CLDN14: variants seen among roughly 807,000 people sequenced by gnomAD.
The protein encoded by CLDN14 is claudin 14.
In CLDN14, 2 loss-of-function variants were observed where a neutral mutation model predicts 2.1. The ratio of observed to expected loss-of-function variants is 0.96; its 90% CI spans 0.39 to 3.01. The LOEUF (loss-of-function observed/expected upper bound fraction) is 3.01, where lower values mean the gene tolerates loss of function less well. Ranked by LOEUF, CLDN14 falls within the 30% of genes most tolerant of loss-of-function variation. The probability of loss-of-function intolerance (pLI) is 0.09; values close to 1 mark genes in which losing one functional copy is unlikely to be tolerated. For missense variants in CLDN14, 298 were observed against 328.0 expected (o/e 0.91, Z 0.71); for synonymous variants, 136 against 154.4 (o/e 0.88, Z 0.88).
At position 36,544,918 on chromosome 21, in the gene CLDN14, G is replaced by A. The variant is rs771642224; in HGVS notation, c.-220+31493C>T. On this transcript the variant is annotated intron_variant, in intron 1 of 2. Coordinates refer to the CLDN14 transcript ENST00000342108. The surrounding 1 kb of genome is among the most constrained non-coding windows in gnomAD (Gnocchi z 4.1). The stretch of plus-strand genomic sequence containing the variant: ...TGTTATTAATCCTGGCTACTGCAGC[G>A]GGTGCCAATTGAAGTTTGCTTGCAG... Among the ~76,000 whole-genome samples, 3 of 152,196 alleles carry A rather than the reference G, an allele frequency of 2.0e-5. No homozygotes were observed. Among genetic ancestry groups the A allele is most frequent in the African/African-American group, 4.8e-5 (2 of 41,442 alleles).
intron 1 of CLDN14, among the ~76,000 whole-genome samples, chr21:36,462,790 A>T (rs1057493084): frequency 2.0e-5 from 3 of 151,988 alleles, no homozygotes; most frequent in Admixed American, 1.3e-4. Context: ...TTAGCCAGGC[A>T]TCCCGTAATC....
chr21:36,559,681 A>C (rs2087621024), intron 1 of CLDN14, among the ~76,000 whole-genome samples: 1 of 152,224 alleles, frequency 6.6e-6, no homozygotes, highest in Non-Finnish European at 1.5e-5. Context: ...ACAATTCTGC[A>C]ATTGTGCATT....
At chr21:36,535,127 A>T (rs538413913) in intron 1 of CLDN14, among the ~76,000 whole-genome samples, 93 of 152,326 alleles carry the variant, frequency 6.1e-4, no homozygotes, top group Admixed American at 3.9e-3. Flanking sequence ...GTGGTGGCTC[A>T]TGCCTGTAAT....
intron 1 of CLDN14, among the ~76,000 whole-genome samples, chr21:36,467,309 C>A (rs1405496789): frequency 6.6e-6 from 1 of 152,182 alleles, no homozygotes; most frequent in African/African-American, 2.4e-5. Context: ...CCAAATTAAT[C>A]ATCATTTCAA....
intron 2 of CLDN14, among the ~76,000 whole-genome samples, chr21:36,509,698 T>G (rs1383191622): frequency 1.3e-5 from 2 of 152,122 alleles, no homozygotes; most frequent in African/African-American, 4.8e-5. Context: ...CGGCTTCAAG[T>G]GATTCTAATG....
chr21:36,482,371 C>T (rs55822624), upstream of CLDN14, among the ~76,000 whole-genome samples: 98 of 137,150 alleles, frequency 7.1e-4, no homozygotes, highest in African/African-American at 2.2e-3. Flanking sequence ...GATAGACTGA[C>T]GGATGGATGG....
At chr21:36,490,949 GACACACACACACACAC>G (rs3030068) in intron 2 of CLDN14, among the ~76,000 whole-genome samples, 4 of 148,854 alleles carry the variant, frequency 2.7e-5, no homozygotes, top group South Asian at 2.1e-4. Context: ...CAAGTGCACA[GACACACACACACACAC>G]ACACACACAC....
upstream of CLDN14, among the ~76,000 whole-genome samples, chr21:36,481,328 T>C (rs1337800727): frequency 2.6e-5 from 4 of 152,240 alleles, no homozygotes; most frequent in Non-Finnish European, 4.4e-5. Flanking sequence ...TCGCCTTTGC[T>C]GAACACCATT....
At chr21:36,509,266 G>C (rs1485758123) in intron 2 of CLDN14, among the ~76,000 whole-genome samples, 1 of 152,206 alleles carries the variant, frequency 6.6e-6, no homozygotes, top group Non-Finnish European at 1.5e-5. Flanking sequence ...CTTGGGAGCA[G>C]CTCAGACCGG....
At chr21:36,464,368 T>C (rs1180959925) in intron 1 of CLDN14, among the ~76,000 whole-genome samples, 1 of 152,244 alleles carries the variant, frequency 6.6e-6, no homozygotes, top group Non-Finnish European at 1.5e-5. Context: ...AACGGACTGA[T>C]ACACCGAGTA....
chr21:36,552,729 G>GAA (rs66807831), intron 1 of CLDN14, among the ~76,000 whole-genome samples: 1,748 of 151,166 alleles, frequency 0.012, 17 homozygotes, highest in Non-Finnish European at 0.017. Flanking sequence ...TCCTGAATTG[G>GAA]AAAAAAAAAC....
chr21:36,489,131 A>AAATATAT, intron 2 of CLDN14, among the ~76,000 whole-genome samples: 887 of 62,708 alleles, frequency 0.014, 12 homozygotes, highest in Non-Finnish European at 0.015. Context: ...AAAAAAAAAA[A>AAATATAT]ATATATATAT....
At chr21:36,554,498 G>A (rs1410067720) in intron 1 of CLDN14, among the ~76,000 whole-genome samples, 2 of 152,172 alleles carry the variant, frequency 1.3e-5, no homozygotes, top group Admixed American at 6.5e-5. Context: ...GTCGGGTCAG[G>A]CCCGCCTTGT....
At chr21:36,507,202 A>C (rs1274941675) in intron 2 of CLDN14, among the ~76,000 whole-genome samples, 2 of 152,176 alleles carry the variant, frequency 1.3e-5, no homozygotes, top group Non-Finnish European at 2.9e-5. Context: ...GCGGCTGCAC[A>C]AAATAGTAGT....
intron 1 of CLDN14, among the ~76,000 whole-genome samples, chr21:36,550,971 G>T: frequency 6.6e-6 from 1 of 152,210 alleles, no homozygotes; most frequent in East Asian, 1.9e-4. Context: ...CAAAATGACT[G>T]TTGTCCTTAG....
intron 1 of CLDN14, among the ~76,000 whole-genome samples, chr21:36,478,977 C>A (rs2086811242): frequency 6.6e-6 from 1 of 152,118 alleles, no homozygotes; most frequent in Non-Finnish European, 1.5e-5. Context: ...TCACTTCCCC[C>A]CCTCTCCTGC....
At chr21:36,512,789 C>A (rs997711035) in intron 1 of CLDN14, among the ~76,000 whole-genome samples, 1 of 152,134 alleles carries the variant, frequency 6.6e-6, no homozygotes, top group Admixed American at 6.5e-5. Context: ...GCCAGAGGTT[C>A]CTCCTGGGGA....
chr21:36,559,388 G>C (rs1263589322), intron 1 of CLDN14, among the ~76,000 whole-genome samples: 1 of 152,130 alleles, frequency 6.6e-6, no homozygotes, highest in African/African-American at 2.4e-5. Flanking sequence ...GTAGAGACGG[G>C]GTTTCGCCAT....
At chr21:36,525,954 G>A (rs1265190775) in intron 1 of CLDN14, among the ~76,000 whole-genome samples, 1 of 152,186 alleles carries the variant, frequency 6.6e-6, no homozygotes, top group African/African-American at 2.4e-5. Context: ...CTGGACCAGA[G>A]GGAAGCGGCA....
Sources: allele counts gnomAD v4.1 joint callset (sites outside exome capture counted in the v4.1 genomes callset), GRCh38; gene constraint gnomAD v4.1.1; non-coding constraint Gnocchi (gnomAD v3.1); transcripts MANE v1.5; gene names NCBI Gene and HGNC (gene_info 2026-07-23, HGNC 2026-07-21).